NLGN4X: variants seen among roughly 807,000 people sequenced by gnomAD.
NLGN4X encodes neuroligin 4 X-linked.
A neutral mutation model predicts 40.3 loss-of-function variants in NLGN4X; 3 were observed. The ratio of observed to expected loss-of-function variants is 0.07; its 90% confidence interval spans 0.03 to 0.19. NLGN4X has a LOEUF of 0.19. NLGN4X is among the 10% of genes least tolerant of loss of function. The probability of loss-of-function intolerance (pLI) is 1.00; values close to 1 mark genes in which losing one functional copy is unlikely to be tolerated. For missense variants in NLGN4X, 382 were observed against 708.3 expected, an observed-to-expected ratio of 0.54 and a Z score of 5.23; for synonymous variants, 270 against 306.8, an observed-to-expected ratio of 0.88 and a Z score of 1.25.
intron 5 of NLGN4X, among the ~76,000 whole-genome samples, chrX:5,894,552 A>G (rs986773764): frequency 3.6e-5 from 4 of 111,869 alleles, no homozygotes; most frequent in South Asian, 7.5e-4. Flanking sequence ...GGGCTGTTAC[A>G]GATGCTAAGT....
intron 3 of NLGN4X, among the ~76,000 whole-genome samples, chrX:6,020,157 T>C (rs778686793): frequency 1.5e-4 from 17 of 111,788 alleles, no homozygotes; most frequent in East Asian, 8.5e-4. Flanking sequence ...CCCATGTTCA[T>C]TGCAGCACTA....
intron 2 of NLGN4X, among the ~76,000 whole-genome samples, chrX:6,054,611 T>A (rs772116849): frequency 1.3e-4 from 14 of 110,856 alleles, no homozygotes; most frequent in African/African-American, 4.6e-4. Flanking sequence ...CAAGACCCTG[T>A]CTCTAAAAAA....
chrX:6,101,769 A>C (rs1025686662), intron 2 of NLGN4X, among the ~76,000 whole-genome samples: 5 of 109,875 alleles, frequency 4.6e-5, no homozygotes, highest in Non-Finnish European at 9.5e-5. Flanking sequence ...CTAGCACAAC[A>C]GGGTGACTAT....
At chrX:6,071,535 ATC>A (rs752731790) in intron 2 of NLGN4X, among the ~76,000 whole-genome samples, 7 of 111,738 alleles carry the variant, frequency 6.3e-5, no homozygotes, top group Non-Finnish European at 1.3e-4. Context: ...GCCAAGTTAC[ATC>A]TCTCTGTAGT....
At chrX:5,975,701 G>A (rs1455896225) in intron 3 of NLGN4X, among the ~76,000 whole-genome samples, 1 of 108,224 alleles carries the variant, frequency 9.2e-6, no homozygotes, top group Non-Finnish European at 1.9e-5. Context: ...TTTTTATACT[G>A]TTGGATACTT....
chrX:6,017,646 C>T lies in NLGN4X; in HGVS notation c.625+11634G>A, dbSNP rs745957842. ...TATGATTTTTGATCTTAAGATGATA[C>T]AAAAATGATATTCAGTCAGTAGAAA... On this transcript the variant is annotated intron_variant, in intron 3 of 5. Coordinates refer to ENST00000381095, the MANE Select transcript of NLGN4X (RefSeq NM_181332.3). 3.6e-5 allele frequency among the ~76,000 whole-genome samples: 4 copies of T among 111,732 alleles called. No individual in the cohort carries two copies. The East Asian group carries it at 1.1e-3, about 32-fold the overall frequency.
intron 2 of NLGN4X, among the ~76,000 whole-genome samples, chrX:6,138,175 T>C (rs61507974): frequency 1.8e-5 from 2 of 112,258 alleles, no homozygotes; most frequent in Admixed American, 1.9e-4. Context: ...TTTTAAAATA[T>C]TACAAAAACT....
Position 6,196,368 on chromosome X carries a change from G to A in NLGN4X, c.-306+32173C>T, listed in dbSNP as rs190121818. 2.4e-3 allele frequency among the ~76,000 whole-genome samples: 262 copies of A among 109,535 alleles called. 1 individual carries two copies. The highest frequency in any genetic ancestry group is 2.8e-3 in the Non-Finnish European group (149 of 52,452). ...AGATCAAGACCGTCCTGGCTAACACGGTTTAACCCTGTCTCTACTAAAAAT... is the reference window on the plus strand; with the variant it reads ...AGATCAAGACCGTCCTGGCTAACACAGTTTAACCCTGTCTCTACTAAAAAT... On this transcript the variant is annotated intron_variant, in intron 1 of 5. Coordinates refer to ENST00000381095, the MANE Select transcript of NLGN4X (RefSeq NM_181332.3).
intron 1 of NLGN4X, among the ~76,000 whole-genome samples, chrX:6,192,595 A>G (rs1922641764): frequency 1.8e-5 from 2 of 111,999 alleles, no homozygotes; most frequent in South Asian, 7.5e-4. Flanking sequence ...GCCTCTTCCA[A>G]CAGACACCCT....
intron 2 of NLGN4X, among the ~76,000 whole-genome samples, chrX:6,124,870 G>A (rs1157549264): frequency 8.9e-6 from 1 of 112,228 alleles, no homozygotes; most frequent in Non-Finnish European, 1.9e-5. Flanking sequence ...AGCACACACC[G>A]AACGTTTACA....
chrX:6,075,239 C>A (rs1367916988), intron 2 of NLGN4X, among the ~76,000 whole-genome samples: 4 of 111,486 alleles, frequency 3.6e-5, no homozygotes, highest in Non-Finnish European at 7.5e-5. Flanking sequence ...GTGCAAAGAG[C>A]ACTTTGCAGA....
At chrX:6,140,833 C>T (rs1235870873) in intron 2 of NLGN4X, among the ~76,000 whole-genome samples, 1 of 110,052 alleles carries the variant, frequency 9.1e-6, no homozygotes, top group African/African-American at 3.3e-5. Flanking sequence ...CCACCTAGAC[C>T]TCCCCAAGTG....
rs985701602 is a variant in NLGN4X at position 6,205,894 on chromosome X, A to C, written c.-306+22647T>G. Among the ~76,000 whole-genome samples, 6 of 112,103 alleles carry C rather than the reference A, an allele frequency of 5.4e-5. No homozygotes were observed. In the Admixed American group the frequency reaches 5.7e-4, roughly 11 times the overall value. The stretch of plus-strand genomic sequence containing the variant: ...CTCCTCTTGCCAATTCATATCCAAC[A>C]CTTAACCAGGTCACAATGAAGTTTA... On this transcript the variant is annotated intron_variant, in intron 1 of 5. Coordinates refer to ENST00000381095, the MANE Select transcript of NLGN4X (RefSeq NM_181332.3).
chrX:6,030,592 C>A (rs2036832459), intron 2 of NLGN4X, among the ~76,000 whole-genome samples: 1 of 110,109 alleles, frequency 9.1e-6, no homozygotes, highest in African/African-American at 3.3e-5. Context: ...ATGGTGGCTC[C>A]AATTTGAATG....
chrX:6,070,721 C>T (rs1602172053), intron 2 of NLGN4X, among the ~76,000 whole-genome samples: 2 of 111,995 alleles, frequency 1.8e-5, no homozygotes, highest in Admixed American at 9.5e-5. Context: ...AATTGACCTC[C>T]GCATGGCATG....
chrX:6,052,775 A>G (rs2037525206), intron 2 of NLGN4X, among the ~76,000 whole-genome samples: 1 of 112,635 alleles, frequency 8.9e-6, no homozygotes, highest in South Asian at 3.7e-4. Flanking sequence ...TTCTAAATGT[A>G]TAACACAGAA....
intron 1 of NLGN4X, among the ~76,000 whole-genome samples, chrX:6,183,201 C>A (rs1349386972): frequency 8.9e-6 from 1 of 112,195 alleles, no homozygotes; most frequent in African/African-American, 3.2e-5. Context: ...CCCGGAAAAC[C>A]CAAATCATTT....
intron 1 of NLGN4X, among the ~76,000 whole-genome samples, chrX:6,224,290 A>G (rs1925957640): frequency 8.9e-6 from 1 of 112,482 alleles, no homozygotes; most frequent in African/African-American, 3.2e-5. Flanking sequence ...AACGGAGGTC[A>G]TTCCCTCGTG....
chrX:6,187,845 T>C (rs1047389978), intron 1 of NLGN4X: 3 of 111,942 alleles, frequency 2.7e-5, no homozygotes, highest in African/African-American at 9.8e-5. Flanking sequence ...CTGAAACTGT[T>C]GCCTCAGCAT....
Sources: allele counts gnomAD v4.1 joint callset (sites outside exome capture counted in the v4.1 genomes callset), GRCh38; gene constraint gnomAD v4.1.1; transcripts MANE v1.5; gene names NCBI Gene and HGNC (gene_info 2026-07-23, HGNC 2026-07-21).